LRP1B: variants seen among roughly 807,000 people sequenced by gnomAD.
LRP1B encodes the protein low-density lipoprotein receptor-related protein 1B.
Under a neutral mutation model 556.6 loss-of-function variants are expected in LRP1B, and 217 were observed. The ratio of observed to expected loss-of-function variants is 0.39; its 90% CI spans 0.35 to 0.44. The LOEUF (loss-of-function observed/expected upper bound fraction) is 0.44. Ranked by LOEUF, LRP1B falls within the 20% of genes least tolerant of loss-of-function variation. The pLI is 1.00. For missense variants in LRP1B, 5,053 were observed against 5,620.8 expected (o/e 0.90, Z 3.23); for synonymous variants, 2,047 against 1,865.8 (o/e 1.10, Z -2.50).
intron 1 of LRP1B, among the ~76,000 whole-genome samples, chr2:141,931,474 A>G (rs1047014474): frequency 5.3e-5 from 8 of 151,990 alleles, no homozygotes; most frequent in African/African-American, 1.7e-4. Context: ...GTACTCAGAA[A>G]ATAGAGAAAG....
chr2:141,270,348 T>C (rs896568485), intron 3 of LRP1B, among the ~76,000 whole-genome samples: 2 of 152,032 alleles, frequency 1.3e-5, no homozygotes, highest in African/African-American at 4.8e-5. Context: ...TTTGCATTGG[T>C]GGTAGAGAGG....
chr2:140,794,432 T>C (rs1204775483), intron 32 of LRP1B, among the ~76,000 whole-genome samples: 1 of 151,288 alleles, frequency 6.6e-6, no homozygotes, highest in South Asian at 2.1e-4. Context: ...GAAATGACAA[T>C]ATTTAATTTG....
intron 2 of LRP1B, among the ~76,000 whole-genome samples, chr2:141,646,188 A>G (rs1689556986): frequency 6.6e-6 from 1 of 152,178 alleles, no homozygotes; most frequent in Non-Finnish European, 1.5e-5. Flanking sequence ...GTTACATCTT[A>G]GCTTTTATAT....
At chr2:140,899,343 G>A (rs1204453364) in intron 23 of LRP1B, among the ~76,000 whole-genome samples, 1 of 152,166 alleles carries the variant, frequency 6.6e-6, no homozygotes, top group African/African-American at 2.4e-5. Context: ...TTTGAGTCAT[G>A]GGTATGACAA....
intron 2 of LRP1B, among the ~76,000 whole-genome samples, chr2:141,752,885 A>G (rs1694166755): frequency 7.2e-6 from 1 of 138,958 alleles, no homozygotes; most frequent in Non-Finnish European, 1.5e-5. Context: ...TTGAGCCTAC[A>G]ATGAGTCGTG....
At chr2:140,645,797 C>A (rs2105309237) in intron 41 of LRP1B, among the ~76,000 whole-genome samples, 1 of 151,982 alleles carries the variant, frequency 6.6e-6, no homozygotes, top group Non-Finnish European at 1.5e-5. Flanking sequence ...CTCGGCCTCC[C>A]AAAGTGCTGG....
chr2:141,444,618 TGA>T (rs1458670889), intron 3 of LRP1B, among the ~76,000 whole-genome samples: 4 of 152,212 alleles, frequency 2.6e-5, no homozygotes, highest in African/African-American at 9.6e-5. Flanking sequence ...CTTAGTTTAT[TGA>T]GAGTTTTTAG....
Position 141,767,892 on chromosome 2 carries a change from G to T in LRP1B, c.205+42387C>A, listed in dbSNP as rs541598098. 2.0e-5 allele frequency among the ~76,000 whole-genome samples: 3 copies of T among 152,122 alleles called. No individual in the cohort carries two copies. The South Asian group carries it at 6.2e-4, about 32-fold the overall frequency. On this transcript the variant is annotated intron_variant, in intron 2 of 90. Transcript: ENST00000389484. ...AAGCTAATTTGTTAAACTTCTGTGGGGCCCAAACTGGCACATGTTCAGTAA... is the reference window on the plus strand; with the variant it reads ...AAGCTAATTTGTTAAACTTCTGTGGTGCCCAAACTGGCACATGTTCAGTAA...
At chr2:140,625,920 C>T (rs1683641670) in intron 41 of LRP1B, among the ~76,000 whole-genome samples, 1 of 152,122 alleles carries the variant, frequency 6.6e-6, no homozygotes, top group African/African-American at 2.4e-5. Flanking sequence ...AAAATCTGTA[C>T]ATGGTTGTTT....
At chr2:140,932,398 T>C (rs1695075937) in intron 20 of LRP1B, among the ~76,000 whole-genome samples, 2 of 152,118 alleles carry the variant, frequency 1.3e-5, no homozygotes, top group African/African-American at 4.8e-5. Flanking sequence ...ACACACTCAT[T>C]TGTTGACATA....
intron 74 of LRP1B, 83 bp downstream of exon 74, chr2:140,357,896 T>A (rs1682306417): frequency 6.7e-7 from 1 of 1,484,508 alleles, no homozygotes; most frequent in African/African-American, 1.4e-5. Flanking sequence ...GAGCAATATT[T>A]CCATCCAGAA....
intron 35 of LRP1B, among the ~76,000 whole-genome samples, chr2:140,728,475 T>C (rs778022339): frequency 6.6e-6 from 1 of 152,190 alleles, no homozygotes; most frequent in East Asian, 1.9e-4. Context: ...TGAGACAGCA[T>C]GTTGCATAAA....
Position 140,994,128 on chromosome 2 carries a change from A to G in LRP1B, c.2511T>C (p.Pro837=), listed in dbSNP as rs148875390. The G allele has an allele frequency of 6.2e-7, 1 of 1,612,122 alleles. No individual in the cohort carries two copies. Among genetic ancestry groups the G allele is most frequent in the African/African-American group, 1.3e-5 (1 of 74,946 alleles). Residue 837 remains proline (P), a synonymous_variant, in exon 16 of 91, where the codon CCT becomes CCC. Coordinates refer to ENST00000389484, the MANE Select transcript of LRP1B (RefSeq NM_018557.3). ...DENGTTCTFN[P]GEALPHICKA... The stretch of plus-strand genomic sequence containing the variant: ...TACATATGTGAGGTAGTGCTTCTCC[A>G]GGATTAACTAGAGTTAAAAAAACCC...
intron 1 of LRP1B, among the ~76,000 whole-genome samples, chr2:141,874,736 C>T (rs967337809): frequency 6.6e-6 from 1 of 151,682 alleles, no homozygotes; most frequent in Non-Finnish European, 1.5e-5. Flanking sequence ...CTGTGTGTAA[C>T]TTAAGGAAAA....
At chr2:140,437,212 G>C (rs189289092) in intron 66 of LRP1B, among the ~76,000 whole-genome samples, 1 of 152,250 alleles carries the variant, frequency 6.6e-6, no homozygotes, top group Admixed American at 6.5e-5. Flanking sequence ...CATTAGAGAC[G>C]AATGAGGTTC....
intron 2 of LRP1B, among the ~76,000 whole-genome samples, chr2:141,675,786 C>A (rs1396289516): frequency 6.6e-6 from 1 of 151,542 alleles, no homozygotes; most frequent in Non-Finnish European, 1.5e-5. Context: ...AAATTTTAAA[C>A]AATTTCTTCA....
At chr2:141,283,980 C>T (rs1372228960) in intron 3 of LRP1B, among the ~76,000 whole-genome samples, 1 of 152,100 alleles carries the variant, frequency 6.6e-6, no homozygotes, top group Non-Finnish European at 1.5e-5. Flanking sequence ...GATGAGGTCA[C>T]ACGCTGAGAA....
At chr2:140,532,947 T>TATATATATATATATATATATATATACAC in intron 47 of LRP1B, among the ~76,000 whole-genome samples, 65 of 124,304 alleles carry the variant, frequency 5.2e-4, no homozygotes, top group Non-Finnish European at 7.2e-4. Flanking sequence ...TATATATATA[T>TATATATATATATATATATATATATACAC]ACACATATAT....
In LRP1B at chr2:141,775,928, C is replaced by T. The variant is rs185725255; in HGVS notation, c.205+34351G>A. Among the ~76,000 whole-genome samples the T allele has an allele frequency of 1.4e-4, 21 of 151,554 alleles. No individual in the cohort carries two copies. The East Asian group carries it at 3.3e-3, about 24-fold the overall frequency. ...CGCAATCTTGGCTCACTGCAAGCTCCGCCTCCTGGGTTCACACCATTCTCC... is the reference window on the plus strand; with the variant it reads ...CGCAATCTTGGCTCACTGCAAGCTCTGCCTCCTGGGTTCACACCATTCTCC... On this transcript the variant is annotated intron_variant, in intron 2 of 90. Coordinates refer to ENST00000389484, the MANE Select transcript of LRP1B (RefSeq NM_018557.3).
Sources: allele counts gnomAD v4.1 joint callset (sites outside exome capture counted in the v4.1 genomes callset), GRCh38; gene constraint gnomAD v4.1.1; transcripts MANE v1.5; gene names NCBI Gene and HGNC (gene_info 2026-07-23, HGNC 2026-07-21).